The following CFAP299 variants were observed in gnomAD, a reference collection of about 807,000 sequenced individuals.
CFAP299 encodes the protein cilia and flagella associated protein 299.
A neutral mutation model predicts 27.0 loss-of-function variants in CFAP299; 21 were observed. The observed-to-expected ratio is 0.78, with a 90% CI of 0.55 to 1.12. The LOEUF is 1.12. CFAP299 is among the 50% of genes most tolerant of loss of function. The pLI is 0.00. For missense variants in CFAP299, 310 were observed against 276.6 expected (o/e 1.12, Z -0.86); for synonymous variants, 104 against 98.1 (o/e 1.06, Z -0.36).
intron 3 of CFAP299, among the ~76,000 whole-genome samples, chr4:80,730,659 C>T (rs1426277057): frequency 6.6e-6 from 1 of 152,082 alleles, no homozygotes. Context: ...TCATTAGGGA[C>T]CTTGAGACAA....
rs142908058 is a variant in CFAP299 at position 80,945,352 on chromosome 4, T to C, written c.606+413T>C. 2.2e-3 allele frequency among the ~76,000 whole-genome samples: 334 copies of C among 152,336 alleles called. 1 individual carries two copies. Among genetic ancestry groups the C allele is most frequent in the Middle Eastern group, 3.4e-3 (1 of 294 alleles). ...CAGAATTCTAATACCCCTCTGTGTA[T>C]GTGACTAACACTAAAAATGGTTTGG... On this transcript the variant is annotated intron_variant, in intron 5 of 5. Coordinates refer to ENST00000358105, the MANE Select transcript of CFAP299 (RefSeq NM_152770.3).
upstream of CFAP299, among the ~76,000 whole-genome samples, chr4:80,335,381 CTTTTTGCAAAATGTCTCGGTA>C (rs1722081611): frequency 6.6e-6 from 1 of 152,032 alleles, no homozygotes; most frequent in Non-Finnish European, 1.5e-5. Context: ...TTGAGACAGT[CTTTTTGCAAAATGTCTCGGTA>C]TTTTTGTCTT....
At chr4:80,443,180 A>G (rs1012735060) in intron 2 of CFAP299, among the ~76,000 whole-genome samples, 1 of 152,184 alleles carries the variant, frequency 6.6e-6, no homozygotes, top group African/African-American at 2.4e-5. Context: ...TACCTAACTC[A>G]TTTTATGGGC....
intron 3 of CFAP299, among the ~76,000 whole-genome samples, chr4:80,653,048 G>A (rs543078788): frequency 6.6e-5 from 10 of 152,190 alleles, no homozygotes; most frequent in Admixed American, 3.3e-4. Context: ...AATGTACCCT[G>A]CTTTTGTTGT....
intron 1 of CFAP299, among the ~76,000 whole-genome samples, chr4:80,354,336 T>G (rs1282626235): frequency 6.6e-6 from 1 of 152,180 alleles, no homozygotes; most frequent in Non-Finnish European, 1.5e-5. Flanking sequence ...TATATATACT[T>G]AATGGAAAGG....
intron 4 of CFAP299, among the ~76,000 whole-genome samples, chr4:80,919,412 G>T (rs906366896): frequency 6.6e-6 from 1 of 152,152 alleles, no homozygotes; most frequent in South Asian, 2.1e-4. Flanking sequence ...GTCTAAGGCA[G>T]AAATGCAGTC....
intron 2 of CFAP299, chr4:80,386,944 G>A: frequency 1.1e-6 from 1 of 874,590 alleles, no homozygotes. Flanking sequence ...TTGAGGTAAT[G>A]CACCCGCCGG....
In CFAP299 at chr4:80,492,877, T is replaced by TG. The variant is rs1339004843; in HGVS notation, c.243-90213dup. On this transcript the variant is annotated intron_variant, in intron 2 of 5. Transcript: ENST00000358105. ...GCAGGCCCTGGGGTGATGGAGACTG[T>TG]GGGATGGTGGCCTGGAGTGTGAGAG... Among the ~76,000 whole-genome samples, 9 of 152,088 alleles carry TG rather than the reference T, an allele frequency of 5.9e-5. No individual in the cohort carries two copies. The South Asian group carries it at 1.9e-3, about 32-fold the overall frequency.
At chr4:80,492,133 C>T (rs1578509260) in intron 2 of CFAP299, among the ~76,000 whole-genome samples, 1 of 152,160 alleles carries the variant, frequency 6.6e-6, no homozygotes, top group South Asian at 2.1e-4. Context: ...AGCCTGGAAG[C>T]CTCCCGACTT....
intron 4 of CFAP299, among the ~76,000 whole-genome samples, chr4:80,875,427 C>T (rs1169857871): frequency 8.6e-5 from 13 of 151,840 alleles, no homozygotes; most frequent in South Asian, 2.1e-4. Flanking sequence ...TTTGGGAGGC[C>T]GAGGCGGGTG....
chr4:80,462,556 T>C (rs962486992), intron 2 of CFAP299, among the ~76,000 whole-genome samples: 7 of 152,202 alleles, frequency 4.6e-5, no homozygotes, highest in Non-Finnish European at 8.8e-5. Context: ...GTTTGGGTTT[T>C]ATCTCCCTAT....
At chr4:80,645,859 A>G (rs919747997) in intron 3 of CFAP299, among the ~76,000 whole-genome samples, 1 of 152,190 alleles carries the variant, frequency 6.6e-6, no homozygotes, top group African/African-American at 2.4e-5. Context: ...CTCTTCTCAC[A>G]ACAATATCAG....
intron 2 of CFAP299, among the ~76,000 whole-genome samples, chr4:80,407,874 T>G (rs1004692153): frequency 6.6e-6 from 1 of 152,224 alleles, no homozygotes; most frequent in Admixed American, 6.5e-5. Context: ...TTTTAGTTGT[T>G]TTGACTTTAC....
chr4:80,764,693 C>T (rs773580630), intron 3 of CFAP299, among the ~76,000 whole-genome samples: 2 of 152,100 alleles, frequency 1.3e-5, no homozygotes, highest in African/African-American at 2.4e-5. Context: ...TGGAACCAAC[C>T]CAAATGCCCA....
At chr4:80,808,403 T>G (rs1287874311) in intron 3 of CFAP299, among the ~76,000 whole-genome samples, 1 of 152,148 alleles carries the variant, frequency 6.6e-6, no homozygotes, top group Non-Finnish European at 1.5e-5. Context: ...CATAGCGCTG[T>G]GATGTTGATC....
At chr4:80,631,396 TATAAA>T (rs1445207636) in intron 3 of CFAP299, among the ~76,000 whole-genome samples, 3 of 152,092 alleles carry the variant, frequency 2.0e-5, no homozygotes, top group African/African-American at 7.2e-5. Context: ...AAGTGCAAAT[TATAAA>T]GTAAAGAGTA....
intron 3 of CFAP299, among the ~76,000 whole-genome samples, chr4:80,663,773 T>G (rs1740991972): frequency 6.6e-6 from 1 of 152,196 alleles, no homozygotes; most frequent in Non-Finnish European, 1.5e-5. Context: ...CCTTTCCTAT[T>G]TCTCCACATT....
Position 80,634,074 on chromosome 4 carries a change from C to T in CFAP299, c.333+50891C>T, listed in dbSNP as rs373598041. On this transcript the variant is annotated intron_variant, in intron 3 of 5. Transcript: ENST00000358105. Reference sequence around the variant, plus strand: ...TCTCGGCTCACTGCATCCTTCACCTCCCGGGTTCAAGTGATTCTCCTGCCT... The same window carrying T: ...TCTCGGCTCACTGCATCCTTCACCTTCCGGGTTCAAGTGATTCTCCTGCCT... 1.4e-4 allele frequency among the ~76,000 whole-genome samples: 21 copies of T among 151,134 alleles called. 1 individual carries two copies. The highest frequency in any genetic ancestry group is 1.2e-3 in the East Asian group (6 of 5,116).
At chr4:80,917,877 G>A (rs564870479) in intron 4 of CFAP299, among the ~76,000 whole-genome samples, 25 of 152,094 alleles carry the variant, frequency 1.6e-4, no homozygotes, top group Non-Finnish European at 2.8e-4. Context: ...ATTATTAAGC[G>A]AAGACATAAA....
Sources: allele counts gnomAD v4.1 joint callset (sites outside exome capture counted in the v4.1 genomes callset), GRCh38; gene constraint gnomAD v4.1.1; transcripts MANE v1.5; gene names NCBI Gene and HGNC (gene_info 2026-07-23, HGNC 2026-07-21).